MYO1C: variants seen among roughly 807,000 people sequenced by gnomAD.
MYO1C encodes myosin IC, also known as unconventional myosin-Ic.
A neutral mutation model predicts 150.8 loss-of-function variants in MYO1C; 104 were observed. The ratio of observed to expected loss-of-function variants is 0.69; its 90% CI spans 0.59 to 0.81. MYO1C has a LOEUF of 0.81. Ranked by LOEUF, MYO1C falls within the 30% of genes least tolerant of loss-of-function variation. The pLI is 0.00. For synonymous variants in MYO1C, 663 were observed against 579.9 expected, an observed-to-expected ratio of 1.14 and a Z score of -2.06; for missense variants, 1,504 against 1,435.0, an observed-to-expected ratio of 1.05 and a Z score of -0.78.
chr17:1,487,638 C>T (rs905228786), intron 1 of MYO1C, among the ~76,000 whole-genome samples: 1 of 152,190 alleles, frequency 6.6e-6, no homozygotes, highest in African/African-American at 2.4e-5. Flanking sequence ...AGAGGGAGGG[C>T]CGGGCGCGGT....
intron 1 of MYO1C, chr17:1,485,111 G>A: frequency 8.1e-7 from 1 of 1,231,956 alleles, no homozygotes; most frequent in Non-Finnish European, 1.0e-6. Flanking sequence ...CTCAGGGGAT[G>A]GGGGCTTTAC....
At chr17:1,490,491 C>A (rs1028283842) in intron 1 of MYO1C, among the ~76,000 whole-genome samples, 19 of 152,078 alleles carry the variant, frequency 1.2e-4, no homozygotes, top group African/African-American at 4.6e-4. Context: ...GAGCGAGACT[C>A]CATCTCAAAA....
At chr17:1,489,540 A>C (rs989245498) in intron 1 of MYO1C, among the ~76,000 whole-genome samples, 1 of 152,028 alleles carries the variant, frequency 6.6e-6, no homozygotes, top group African/African-American at 2.4e-5. Context: ...AAAGTTAGCC[A>C]GGCATGGTGT....
In MYO1C at chr17:1,480,787, C is replaced by T; in HGVS notation, c.726G>A (p.Gln242=). 6.2e-7 allele frequency: 1 copy of T among 1,614,196 alleles called. No homozygotes were observed. Among genetic ancestry groups the T allele is most frequent in the Non-Finnish European group, 8.5e-7 (1 of 1,180,032 alleles). The change falls in exon 6 of 32, where the codon CAG becomes CAA. Residue 242 remains glutamine (Q), a synonymous_variant. Transcript: ENST00000648651. ...HGERNFHIFY[Q]LLEGGEEETL... ...TCTCCTCCTCGCCCCCCTCCAGCAG[C>T]TGGTAGAAGATGTGGAAGTTCCGCT...
chr17:1,471,153 A>G lies in MYO1C; in HGVS notation c.2136-6T>C. The stretch of plus-strand genomic sequence containing the variant: ...AGCGGATGAAGATCTTGGTCCTGGG[A>G]GAGCAGTAGTGATCAGCCCGGGGTT... On this transcript the variant is annotated splice_polypyrimidine_tract_variant and splice_region_variant and intron_variant, in intron 20 of 31. Coordinates refer to ENST00000648651, the MANE Select transcript of MYO1C (RefSeq NM_001080779.2). The G allele has an allele frequency of 6.2e-7, 1 of 1,614,112 alleles. No individual in the cohort carries two copies. The highest frequency in any genetic ancestry group is 8.5e-7 in the Non-Finnish European group (1 of 1,180,000).
chr17:1,468,346 C>T (rs1176277516), intron 26 of MYO1C, 38 bp from the exon 27 acceptor site: 4 of 1,613,774 alleles, frequency 2.5e-6, no homozygotes, highest in East Asian at 2.2e-5. Context: ...TCAGTGGAGG[C>T]AATGGGGGAC....
At position 1,478,448 on chromosome 17, in the gene MYO1C, G is replaced by A. The variant is rs752957790; in HGVS notation, c.1257C>T (p.Leu419=). Residue 419 remains leucine (L), a synonymous_variant, in exon 11 of 32, where the codon CTC becomes CTT. Coordinates refer to ENST00000648651, the MANE Select transcript of MYO1C (RefSeq NM_001080779.2). This position sits in a 1 kb window ranked among gnomAD's most constrained non-coding sequence, Gnocchi z 6.3. ...ACACTTCAAAGCCATAAATATCCAGGAGCCCGAGAACCGTGGTGCTCCGCC... is the reference window on the plus strand; with the variant it reads ...ACACTTCAAAGCCATAAATATCCAGAAGCCCGAGAACCGTGGTGCTCCGCC... ...PSWRSTTVLG[L]LDIYGFEVFQ... is the part of the protein sequence containing the mutation. 8 of 1,614,192 alleles carry A rather than the reference G, an allele frequency of 5.0e-6. No homozygotes were observed. The South Asian group carries it at 5.5e-5, about 11-fold the overall frequency.
intron 1 of MYO1C, chr17:1,485,775 T>A: frequency 2.0e-6 from 2 of 1,001,632 alleles, no homozygotes; most frequent in Non-Finnish European, 2.4e-6. Flanking sequence ...TCGGCGGCGG[T>A]GGCGGCGGCG....
At position 1,479,469 on chromosome 17, in the gene MYO1C, C is replaced by T; in HGVS notation, c.1054G>A (p.Ala352Thr). Residue 352 changes from alanine to threonine, a missense_variant, in exon 9 of 32, where the codon GCC becomes ACC. Ala to Thr is a moderately conservative substitution (Grantham distance 58). Coordinates refer to ENST00000648651, the MANE Select transcript of MYO1C (RefSeq NM_001080779.2). The surrounding 1 kb of genome is among the most constrained non-coding windows in gnomAD (Gnocchi z 4.2). ...LSVEGSTLRE[A>T]LTHRKIIAKG... is the part of the protein sequence containing the mutation. ...GCGATGATCTTCCTGTGTGTCAGGG[C>T]TTCTCGCAGCGTCGAGCCTTCCACG... 1 of 1,518,676 alleles carries T rather than the reference C, an allele frequency of 6.6e-7. No individual in the cohort carries two copies. The highest frequency in any genetic ancestry group is 8.9e-7 in the Non-Finnish European group (1 of 1,119,244). The allele number at this position is 1,518,676 out of a possible 1,614,324, so 94.1% of individuals were successfully genotyped here. A position where few individuals can be genotyped will look rare whatever the true frequency, so the allele number is the denominator to read the frequency against.
At chr17:1,487,594 G>A (rs1300857124) in intron 1 of MYO1C, among the ~76,000 whole-genome samples, 1 of 152,150 alleles carries the variant, frequency 6.6e-6, no homozygotes, top group East Asian at 1.9e-4. Context: ...GGCGGGAGGA[G>A]ACGCCCGCTG....
chr17:1,479,241 C>A lies in MYO1C; in HGVS notation c.1092+190G>T. ...CTCCTGACCTCAGGTGACCTGCCCA[C>A]CTCAGCCTCCCCAAGTGCTGGGGTT... On this transcript the variant is annotated intron_variant, in intron 9 of 31. Transcript: ENST00000648651. This position sits in a 1 kb window ranked among gnomAD's most constrained non-coding sequence, Gnocchi z 4.2. Among the ~76,000 whole-genome samples the A allele has an allele frequency of 6.6e-6, 1 of 152,230 alleles. No individual in the cohort carries two copies. Among genetic ancestry groups the A allele is most frequent in the East Asian group, 1.9e-4 (1 of 5,192 alleles).
chr17:1,482,436 C>A (rs759005343), intron 5 of MYO1C, 42 bp downstream of exon 5: 2 of 1,552,116 alleles, frequency 1.3e-6, no homozygotes, highest in Admixed American at 3.3e-5. Context: ...ACGTGTAGAG[C>A]CTACTGAATG....
At chr17:1,469,984 G>A (rs571547777) in intron 24 of MYO1C, among the ~76,000 whole-genome samples, 191 bp downstream of exon 24, 5 of 152,174 alleles carry the variant, frequency 3.3e-5, no homozygotes, top group Non-Finnish European at 5.9e-5. Context: ...GCAGTGAACC[G>A]AGATCATGCC....
intron 1 of MYO1C, chr17:1,491,726 C>A: frequency 4.8e-6 from 4 of 841,690 alleles, no homozygotes; most frequent in Non-Finnish European, 5.7e-6. Flanking sequence ...GTCGTCATCC[C>A]GGGCAGGGCC....
In MYO1C at chr17:1,482,889, C is replaced by T. The variant is rs148694544; in HGVS notation, c.518G>A (p.Arg173Gln). The change falls in exon 4 of 32, where the codon CGG (arginine) becomes CAG (glutamine). Residue 173 changes from arginine (R) to glutamine (Q), a missense_variant. Transcript: ENST00000648651. Reference sequence around the variant, plus strand: ...CAGCACCGGGTTGCTCTGTAGCAGCCGGTCCCGCACGGCACCTCCGCGCTC... The same window carrying T: ...CAGCACCGGGTTGCTCTGTAGCAGCTGGTCCCGCACGGCACCTCCGCGCTC... ...APERGGAVRD[R>Q]LLQSNPVLEA... 1,736 of 1,611,112 alleles carry T rather than the reference C, an allele frequency of 1.1e-3. No individual in the cohort carries two copies. The highest frequency in any genetic ancestry group is 1.3e-3 in the Admixed American group (79 of 59,934).
Position 1,470,672 on chromosome 17 carries a change from C to T in MYO1C, c.2230G>A (p.Ala744Thr). The T allele has an allele frequency of 6.2e-7, 1 of 1,607,658 alleles. No homozygotes were observed. The highest frequency in any genetic ancestry group is 1.3e-5 in the African/African-American group (1 of 75,026). The change falls in exon 22 of 32, where the codon GCC becomes ACC. Residue 744 changes from alanine (A) to threonine (T), a missense_variant. Ala to Thr is a moderately conservative substitution (Grantham distance 58). Coordinates refer to ENST00000648651, the MANE Select transcript of MYO1C (RefSeq NM_001080779.2). Reference sequence around the variant, plus strand: ...TGCCGCCAGTGAAAGCCCCTCCAGGCAGCTTGGATCTTTGTGGCTGCGGTT... The same window carrying T: ...TGCCGCCAGTGAAAGCCCCTCCAGGTAGCTTGGATCTTTGTGGCTGCGGTT... ...RQSLATKIQA[A>T]WRGFHWRQKF...
Position 1,470,193 on chromosome 17 carries a change from G to A in MYO1C, c.2508C>T (p.Pro836=), listed in dbSNP as rs763146556. 2 of 1,610,868 alleles carry A rather than the reference G, an allele frequency of 1.2e-6. No individual in the cohort carries two copies. Among genetic ancestry groups the A allele is most frequent in the African/African-American group, 1.3e-5 (1 of 74,900 alleles). Residue 836 remains proline (P), a synonymous_variant, in exon 24 of 32, where the codon CCC becomes CCT. Coordinates refer to ENST00000648651, the MANE Select transcript of MYO1C (RefSeq NM_001080779.2). ...QNVLDTSWPT[P]PPALREASEL... ...CACAGACCTCACGCAGGGCAGGTGGGGGCGTGGGCCACGAGGTGTCCAGGA... is the reference window on the plus strand; with the variant it reads ...CACAGACCTCACGCAGGGCAGGTGGAGGCGTGGGCCACGAGGTGTCCAGGA...
intron 24 of MYO1C, 42 bp downstream of exon 24, chr17:1,470,133 G>C (rs1319822667): frequency 6.3e-7 from 1 of 1,584,514 alleles, no homozygotes; most frequent in Admixed American, 1.7e-5. Context: ...CTTCTGCTGT[G>C]TACTATGATG....
chr17:1,480,643 C>A lies in MYO1C; in HGVS notation c.808-18G>T. 2 of 1,613,956 alleles carry A rather than the reference C, an allele frequency of 1.2e-6. No individual in the cohort carries two copies. Among genetic ancestry groups the A allele is most frequent in the African/African-American group, 1.3e-5 (1 of 75,020 alleles). On this transcript the variant is annotated intron_variant, in intron 6 of 31. Coordinates refer to ENST00000648651, the MANE Select transcript of MYO1C (RefSeq NM_001080779.2). Reference sequence around the variant, plus strand: ...CACTGGCCCTGGAGGAAGGGCACAGCTGGGTTGCCAGCCCTGGCACCAGAT... The same window carrying A: ...CACTGGCCCTGGAGGAAGGGCACAGATGGGTTGCCAGCCCTGGCACCAGAT...
Sources: allele counts gnomAD v4.1 joint callset (sites outside exome capture counted in the v4.1 genomes callset), GRCh38; gene constraint gnomAD v4.1.1; non-coding constraint Gnocchi (gnomAD v3.1); transcripts MANE v1.5; gene names NCBI Gene and HGNC (gene_info 2026-07-23, HGNC 2026-07-21).